The following MIB1 variants were observed in gnomAD, a reference collection of about 807,000 sequenced individuals.
The protein encoded by MIB1 is MIB E3 ubiquitin protein ligase 1.
MIB1 carries 278 observed loss-of-function variants against 124.5 expected under a neutral mutation model. The ratio of observed to expected loss-of-function variants is 2.23; its 90% confidence interval spans 2.02 to 2.47. MIB1 has a LOEUF of 2.47. Ranked by LOEUF, MIB1 falls within the 30% of genes most tolerant of loss-of-function variation. MIB1 has a pLI of 0.00. For missense variants in MIB1, 957 were observed against 1,254.4 expected (o/e 0.76, Z 3.58); for synonymous variants, 446 against 429.4 (o/e 1.04, Z -0.48).
chr18:21,809,998 A>T (rs952294439), intron 10 of MIB1, among the ~76,000 whole-genome samples: 1 of 152,132 alleles, frequency 6.6e-6, no homozygotes, highest in Non-Finnish European at 1.5e-5. Context: ...CAACAAAAAA[A>T]CTTTTAGAAC....
chr18:21,843,910 C>A (rs1233167138), intron 14 of MIB1, among the ~76,000 whole-genome samples, 182 bp from the exon 15 acceptor site: 2 of 152,156 alleles, frequency 1.3e-5, no homozygotes, highest in African/African-American at 4.8e-5. Context: ...ATAACCAGAA[C>A]ACGTGACTCT....
chr18:21,828,880 TGG>T (rs1190292937), intron 12 of MIB1: 3 of 307,106 alleles, frequency 9.8e-6, no homozygotes, highest in Non-Finnish European at 1.3e-5. Flanking sequence ...CTTTTTTTTT[TGG>T]TGTTAGTATT....
chr18:21,714,570 A>T (rs1283112383), intron 1 of MIB1, among the ~76,000 whole-genome samples: 1 of 152,108 alleles, frequency 6.6e-6, no homozygotes, highest in Admixed American at 6.6e-5. Flanking sequence ...GGTGCACTAC[A>T]ACTCTCTTGC....
In MIB1 at chr18:21,741,772, C is replaced by G. The variant is rs570938913; in HGVS notation, c.189C>G (p.Ser63=). 2 of 1,609,092 alleles carry G rather than the reference C, an allele frequency of 1.2e-6. No individual in the cohort carries two copies. The highest frequency in any genetic ancestry group is 4.5e-5 in the East Asian group (2 of 44,672). Residue 63 remains serine, a synonymous_variant, in exon 1 of 21, where the codon TCC becomes TCG. Transcript: ENST00000261537. This position sits in a 1 kb window ranked among gnomAD's most constrained non-coding sequence, Gnocchi z 5.4. The part of the protein sequence containing the change: ...DNGTAANYRC[S]GAYDLRILDS... ...GCACAGCTGCCAACTACCGCTGCTC[C>G]GGGGCTTACGACCTCCGCATCCTGG...
intron 13 of MIB1, among the ~76,000 whole-genome samples, chr18:21,842,207 A>G (rs1025769913): frequency 3.3e-5 from 5 of 151,980 alleles, no homozygotes; most frequent in Non-Finnish European, 7.4e-5. Flanking sequence ...CTTGAAGAAT[A>G]TGACATAACA....
At chr18:21,841,868 A>G (rs1046075217) in intron 13 of MIB1, among the ~76,000 whole-genome samples, 1 of 152,170 alleles carries the variant, frequency 6.6e-6, no homozygotes, top group African/African-American at 2.4e-5. Flanking sequence ...TGGTGCACCT[A>G]TGCAATGAAT....
chr18:21,836,826 G>C (rs1043437761), intron 12 of MIB1, among the ~76,000 whole-genome samples: 6 of 152,030 alleles, frequency 3.9e-5, no homozygotes, highest in African/African-American at 1.4e-4. Flanking sequence ...ATAATGTATG[G>C]CATTAACATC....
intron 3 of MIB1, among the ~76,000 whole-genome samples, chr18:21,771,587 C>G (rs1397559633): frequency 1.3e-5 from 2 of 152,064 alleles, no homozygotes; most frequent in African/African-American, 4.8e-5. Flanking sequence ...ATGGTGGACT[C>G]TTAACTTCAG....
chr18:21,855,884 G>T (rs1054251316), intron 18 of MIB1, among the ~76,000 whole-genome samples: 1 of 152,188 alleles, frequency 6.6e-6, no homozygotes, highest in Admixed American at 6.5e-5. Context: ...ATGTTGAATT[G>T]CTGTGTGTTA....
rs765884963 is a variant in MIB1, at chr18:21,846,999, C to A, written c.2267C>A (p.Ala756Asp). The A allele has an allele frequency of 6.2e-7, 1 of 1,614,098 alleles. No individual in the cohort carries two copies. The highest frequency in any genetic ancestry group is 8.5e-7 in the Non-Finnish European group (1 of 1,180,014). ...GAEKKSAASI[A>D]CFLAANGADL... ...GAGAAGAAGAGTGCAGCATCTATTGCCTGTTTCTTGGCAGCCAATGGTGCT... is the reference window on the plus strand; with the variant it reads ...GAGAAGAAGAGTGCAGCATCTATTGACTGTTTCTTGGCAGCCAATGGTGCT... Residue 756 changes from alanine (A) to aspartate (D), a missense_variant, in exon 16 of 21, where the codon GCC (alanine) becomes GAC (aspartate). Coordinates refer to ENST00000261537, the MANE Select transcript of MIB1 (RefSeq NM_020774.4).
intron 20 of MIB1, among the ~76,000 whole-genome samples, chr18:21,859,761 C>T (rs953055930): frequency 6.6e-6 from 1 of 151,530 alleles, no homozygotes; most frequent in African/African-American, 2.4e-5. Flanking sequence ...TGGTGGCGCG[C>T]ACCTGTAGTC....
chr18:21,844,386 G>A (rs1343496089), intron 15 of MIB1, 133 bp downstream of exon 15: 1 of 945,012 alleles, frequency 1.1e-6, no homozygotes, highest in Non-Finnish European at 1.6e-6. Flanking sequence ...CTTAGTTTAT[G>A]AACTTAGTAC....
At chr18:21,762,443 A>G (rs1478591903) in intron 1 of MIB1, among the ~76,000 whole-genome samples, 1 of 152,232 alleles carries the variant, frequency 6.6e-6, no homozygotes, top group Non-Finnish European at 1.5e-5. Context: ...GTAAAATACC[A>G]TTTTTAAAGT....
chr18:21,769,162 C>T (rs1402297002), intron 3 of MIB1, among the ~76,000 whole-genome samples: 1 of 152,202 alleles, frequency 6.6e-6, no homozygotes, highest in African/African-American at 2.4e-5. Flanking sequence ...ATGCTGTTAT[C>T]GAGCCCACCT....
At position 21,752,983 on chromosome 18, in the gene MIB1, A is replaced by G. The variant is rs117173451; in HGVS notation, c.229+11171A>G. Reference sequence around the variant, plus strand: ...CCAAATACATGTTGAGTGAAAAAGCAAGTTTCAAAGGGCTAACATAGATAC... The same window carrying G: ...CCAAATACATGTTGAGTGAAAAAGCGAGTTTCAAAGGGCTAACATAGATAC... On this transcript the variant is annotated intron_variant, in intron 1 of 20. Coordinates refer to ENST00000261537, the MANE Select transcript of MIB1 (RefSeq NM_020774.4). Among the ~76,000 whole-genome samples the G allele has an allele frequency of 2.0e-4, 31 of 152,114 alleles. No individual in the cohort carries two copies. In the East Asian group the frequency reaches 4.3e-3, roughly 21 times the overall value.
intron 12 of MIB1, among the ~76,000 whole-genome samples, chr18:21,836,273 GT>G (rs34936609): frequency 0.018 from 2,419 of 133,408 alleles, 20 homozygotes; most frequent in East Asian, 0.062. Context: ...AAAACAAAAG[GT>G]TTTTTTTTTT....
intron 18 of MIB1, among the ~76,000 whole-genome samples, 186 bp downstream of exon 18, chr18:21,853,404 A>G (rs903434731): frequency 6.6e-6 from 1 of 152,200 alleles, no homozygotes; most frequent in South Asian, 2.1e-4. Context: ...GCGTCTGAGC[A>G]TTAGGGAAGA....
At chr18:21,750,756 G>A (rs1177334648) in intron 1 of MIB1, among the ~76,000 whole-genome samples, 1 of 152,154 alleles carries the variant, frequency 6.6e-6, no homozygotes, top group East Asian at 1.9e-4. Context: ...GAGCCACTGC[G>A]CCCGGCCATC....
At chr18:21,798,027 T>A in intron 7 of MIB1, 57 bp from the exon 8 acceptor site, 1 of 1,530,192 alleles carries the variant, frequency 6.5e-7, no homozygotes, top group African/African-American at 1.4e-5. Context: ...AAACTAGTGA[T>A]TGACTTTATG....
Sources: allele counts gnomAD v4.1 joint callset (sites outside exome capture counted in the v4.1 genomes callset), GRCh38; gene constraint gnomAD v4.1.1; non-coding constraint Gnocchi (gnomAD v3.1); transcripts MANE v1.5; gene names NCBI Gene and HGNC (gene_info 2026-07-23, HGNC 2026-07-21).